Variants in ALK observed in about 807,000 individuals in gnomAD.
ALK encodes the protein ALK tyrosine kinase receptor.
ALK carries 74 observed loss-of-function variants against 163.1 expected under a neutral mutation model. That is an observed-to-expected ratio of 0.45 (90% CI 0.38 to 0.55). The LOEUF (loss-of-function observed/expected upper bound fraction) is 0.55, where lower values mean the gene tolerates loss of function less well. ALK is among the 20% of genes least tolerant of loss of function. The pLI, the probability that ALK is intolerant of heterozygous loss-of-function variation, is 0.00. For missense variants in ALK, 2,063 were observed against 2,105.3 expected, an observed-to-expected ratio of 0.98 and a Z score of 0.39; for synonymous variants, 960 against 843.2, an observed-to-expected ratio of 1.14 and a Z score of -2.40.
chr2:29,878,075 C>T (rs948018116), intron 1 of ALK, among the ~76,000 whole-genome samples: 3 of 152,182 alleles, frequency 2.0e-5, no homozygotes, highest in African/African-American at 7.2e-5. Context: ...ATAAGAATGG[C>T]TTTTCATCCA....
intron 2 of ALK, among the ~76,000 whole-genome samples, chr2:29,700,700 C>T (rs1678708457): frequency 6.6e-6 from 1 of 152,220 alleles, no homozygotes; most frequent in African/African-American, 2.4e-5. Flanking sequence ...ATATGAATCA[C>T]ATTTTTAAAG....
rs778028653 is a variant in ALK at position 29,532,092 on chromosome 2, G to A, written c.977C>T (p.Ser326Leu). 6.2e-7 allele frequency: 1 copy of A among 1,614,102 alleles called. No individual in the cohort carries two copies. Among genetic ancestry groups the A allele is most frequent in the Non-Finnish European group, 8.5e-7 (1 of 1,180,012 alleles). The change falls in exon 4 of 29, where the codon TCA (serine) becomes TTA (leucine). Residue 326 changes from serine (S) to leucine (L), a missense_variant. Physicochemically the swap from Ser to Leu is moderately radical, Grantham distance 145. Coordinates refer to ENST00000389048, the MANE Select transcript of ALK (RefSeq NM_004304.5). ...CAGGATGGTGTGCTTGGAGTCAGCT[G>A]AGGTGTTGAGAAGGAGAAAGGAGCC... ...PRGSFLLLNT[S>L]ADSKHTILSP...
chr2:29,759,673 G>A (rs1409387753), intron 1 of ALK, among the ~76,000 whole-genome samples: 1 of 152,230 alleles, frequency 6.6e-6, no homozygotes, highest in Non-Finnish European at 1.5e-5. Flanking sequence ...CTCTCTTTTT[G>A]TCTATATTCC....
rs1219077137 is a variant in ALK, at chr2:29,775,460, T to A, written c.668-57763A>T. 2.0e-5 allele frequency among the ~76,000 whole-genome samples: 3 copies of A among 151,928 alleles called. No homozygotes were observed. In the East Asian group the frequency reaches 5.8e-4, roughly 29 times the overall value. ...CATACCACATGAATGAAGCCTTAGA[T>A]GTTATACCCCAAAGCTTTTCCTCAT... is the stretch of plus-strand genomic sequence containing the variant. On this transcript the variant is annotated intron_variant, in intron 1 of 28. Transcript: ENST00000389048.
chr2:29,195,517 G>T (rs1669000569), intron 28 of ALK, among the ~76,000 whole-genome samples: 1 of 152,148 alleles, frequency 6.6e-6, no homozygotes, highest in Non-Finnish European at 1.5e-5. Context: ...TGGATCACTT[G>T]AGGTCAGGAG....
chr2:29,346,994 C>T (rs1667968233), intron 5 of ALK, among the ~76,000 whole-genome samples: 1 of 152,150 alleles, frequency 6.6e-6, no homozygotes, highest in South Asian at 2.1e-4. Context: ...TTCCTGACCT[C>T]ACTTGTCTTC....
At chr2:29,810,051 G>A (rs80349280) in intron 1 of ALK, among the ~76,000 whole-genome samples, 142 of 152,322 alleles carry the variant, frequency 9.3e-4, no homozygotes, top group African/African-American at 3.2e-3. Flanking sequence ...CAGTGATGGT[G>A]TCAAGATGGT....
chr2:29,437,334 A>G (rs1670426945), intron 4 of ALK, among the ~76,000 whole-genome samples: 1 of 152,088 alleles, frequency 6.6e-6, no homozygotes, highest in African/African-American at 2.4e-5. Context: ...ACGTAATGTG[A>G]GAAATAAAAG....
chr2:29,920,067 A>G lies in ALK; in HGVS notation c.593T>C (p.Val198Ala), dbSNP rs1275464904. The G allele has an allele frequency of 3.7e-6, 6 of 1,614,140 alleles. No homozygotes were observed. The highest frequency in any genetic ancestry group is 5.1e-6 in the Non-Finnish European group (6 of 1,180,034). Residue 198 changes from valine (V) to alanine (A), a missense_variant, in exon 1 of 29, where the codon GTG (valine) becomes GCG (alanine). This residue lies in a region of ALK where 987 missense variants were observed against 939.5 expected (regional missense o/e 1.05). Coordinates refer to ENST00000389048, the MANE Select transcript of ALK (RefSeq NM_004304.5). ...RLMPEKKASE[V>A]GREGRLSAAI... ...CGCGGACAGCCTTCCCTCTCTGCCC[A>G]CTTCCGACGCCTTCTTCTCGGGCAT...
At chr2:29,630,236 G>C (rs2148236421) in intron 3 of ALK, among the ~76,000 whole-genome samples, 1 of 152,264 alleles carries the variant, frequency 6.6e-6, no homozygotes, top group African/African-American at 2.4e-5. Flanking sequence ...ATTTCTCCTA[G>C]CTTCTGCCAA....
chr2:29,381,806 C>A (rs1668902925), intron 5 of ALK, among the ~76,000 whole-genome samples: 1 of 152,142 alleles, frequency 6.6e-6, no homozygotes, highest in South Asian at 2.1e-4. Flanking sequence ...TAAAGTAACC[C>A]CTTCCCTTTA....
chr2:29,763,930 G>T (rs776800725), intron 1 of ALK, among the ~76,000 whole-genome samples: 13 of 152,212 alleles, frequency 8.5e-5, no homozygotes, highest in Non-Finnish European at 1.5e-4. Context: ...AACTTTCAGG[G>T]ATCTTTGAAA....
At chr2:29,517,720 G>A (rs377598951) in intron 4 of ALK, among the ~76,000 whole-genome samples, 5 of 152,186 alleles carry the variant, frequency 3.3e-5, no homozygotes, top group East Asian at 1.9e-4. Flanking sequence ...TTGCAGCCTT[G>A]CTTTTTCACC....
chr2:29,562,443 A>G (rs1392665647), intron 3 of ALK, among the ~76,000 whole-genome samples: 2 of 152,108 alleles, frequency 1.3e-5, no homozygotes, highest in African/African-American at 2.4e-5. Flanking sequence ...ACCATCTCTC[A>G]GCTCTAGTTT....
At chr2:29,308,522 G>A (rs1192321825) in intron 8 of ALK, among the ~76,000 whole-genome samples, 1 of 152,226 alleles carries the variant, frequency 6.6e-6, no homozygotes, top group Non-Finnish European at 1.5e-5. Flanking sequence ...AAGTTATTGT[G>A]CCTGTACTCT....
intron 5 of ALK, among the ~76,000 whole-genome samples, chr2:29,351,343 G>A (rs1668106418): frequency 6.6e-6 from 1 of 152,184 alleles, no homozygotes; most frequent in Non-Finnish European, 1.5e-5. Context: ...AAGCCTTTGT[G>A]CTTCACTTGG....
chr2:29,614,440 C>A (rs1352894790), intron 3 of ALK, among the ~76,000 whole-genome samples: 1 of 152,220 alleles, frequency 6.6e-6, no homozygotes, highest in African/African-American at 2.4e-5. Flanking sequence ...CTTTCCAGCC[C>A]CTGCCCTCCC....
At chr2:29,775,498 G>A (rs1390245866) in intron 1 of ALK, among the ~76,000 whole-genome samples, 1 of 150,272 alleles carries the variant, frequency 6.7e-6, no homozygotes, top group Non-Finnish European at 1.5e-5. Context: ...TCAGAAACCT[G>A]TTCCACCATG....
intron 9 of ALK, among the ~76,000 whole-genome samples, chr2:29,288,522 G>A (rs1237125632): frequency 2.6e-5 from 4 of 152,210 alleles, no homozygotes; most frequent in African/African-American, 9.6e-5. Context: ...AGGCCTAGGC[G>A]CCATAGCACA....
Sources: allele counts gnomAD v4.1 joint callset (sites outside exome capture counted in the v4.1 genomes callset), GRCh38; gene constraint gnomAD v4.1.1; regional missense constraint gnomAD v4.1.1; transcripts MANE v1.5; gene names NCBI Gene and HGNC (gene_info 2026-07-23, HGNC 2026-07-21).